The following S100A11 variants were observed in gnomAD, a reference collection of about 807,000 sequenced individuals.
The protein encoded by S100A11 is protein S100-A11.
S100A11 carries 5 observed loss-of-function variants against 7.4 expected under a neutral mutation model. The observed-to-expected ratio is 0.68, with a 90% CI of 0.35 to 1.42. S100A11 has a LOEUF of 1.42. Ranked by LOEUF, S100A11 falls within the 40% of genes most tolerant of loss-of-function variation. The probability of loss-of-function intolerance (pLI) is 0.04; values close to 1 mark genes in which losing one functional copy is unlikely to be tolerated. For missense variants in S100A11, 96 were observed against 125.0 expected, an observed-to-expected ratio of 0.77 and a Z score of 1.11; for synonymous variants, 47 against 46.6, an observed-to-expected ratio of 1.01 and a Z score of -0.04.
intron 1 of S100A11, among the ~76,000 whole-genome samples, chr1:152,036,146 T>C (rs970145202): frequency 6.6e-6 from 1 of 152,174 alleles, no homozygotes; most frequent in Admixed American, 6.5e-5. Context: ...AAACCCGACT[T>C]GGCCCGCGGG....
rs774252337 is a variant in S100A11 at position 152,032,660 on chromosome 1, C to A, written c.*2G>T. On this transcript the variant is annotated 3_prime_UTR_variant, in exon 3 of 3. Transcript: ENST00000271638. ...GGTTTGAAGGCCAGGGCCAAGGGGT[C>A]CTCAGGTCCGCTTCTGGGAAGGGAC... 1 of 1,608,008 alleles carries A rather than the reference C, an allele frequency of 6.2e-7. No individual in the cohort carries two copies. The highest frequency in any genetic ancestry group is 8.5e-7 in the Non-Finnish European group (1 of 1,175,488).
rs945687399 is a variant in S100A11, at chr1:152,032,812, G to A, written c.168C>T (p.Asp56=). The change falls in exon 3 of 3, where the codon GAC becomes GAT. Residue 56 remains aspartate, a synonymous_variant. Transcript: ENST00000271638. ...ELAAFTKNQK[D]PGVLDRMMKK... ...TCATCATGCGGTCAAGGACACCAGG[G>A]TCCTTCTGGTTCTGCAGAGAAAATA... 1.2e-6 allele frequency: 2 copies of A among 1,609,734 alleles called. No homozygotes were observed. The highest frequency in any genetic ancestry group is 2.7e-5 in the African/African-American group (2 of 74,750).
intron 1 of S100A11, among the ~76,000 whole-genome samples, chr1:152,035,378 T>A (rs537379727): frequency 6.6e-6 from 1 of 152,348 alleles, no homozygotes; most frequent in South Asian, 2.1e-4. Flanking sequence ...CCCCTTTTCC[T>A]TCCAGAATGC....
chr1:152,036,111 A>T (rs1383605025), intron 1 of S100A11, among the ~76,000 whole-genome samples: 1 of 152,178 alleles, frequency 6.6e-6, no homozygotes, highest in Non-Finnish European at 1.5e-5. Flanking sequence ...TGTAAACTTT[A>T]TTCTTAGCTT....
rs369723825 is a variant in S100A11 at position 152,036,892 on chromosome 1, A to C, written c.3+21T>G. 6 of 1,603,812 alleles carry C rather than the reference A, an allele frequency of 3.7e-6. No homozygotes were observed. In the Middle Eastern group the frequency reaches 4.9e-4, roughly 132 times the overall value. On this transcript the variant is annotated intron_variant, in intron 1 of 2. Transcript: ENST00000271638. ...CTTTTTCTTTTCATGTAAGAAGAAGAAGAAGAAAAGTGAGGCTTACCATGT... is the reference window on the plus strand; with the variant it reads ...CTTTTTCTTTTCATGTAAGAAGAAGCAGAAGAAAAGTGAGGCTTACCATGT...
At chr1:152,032,967 A>G in intron 2 of S100A11, 144 bp from the exon 3 acceptor site, 1 of 713,618 alleles carries the variant, frequency 1.4e-6, no homozygotes, top group Non-Finnish European at 2.3e-6. Flanking sequence ...GAAACAGACT[A>G]AAAGAGGTGA....
chr1:152,033,996 G>C lies in S100A11; in HGVS notation c.4-196C>G, dbSNP rs543065690. The stretch of plus-strand genomic sequence containing the variant: ...CCTTCCGTCCTACCCCTCGCCACAT[G>C]TTTATTCCAGGTGAAATATATGGAA... On this transcript the variant is annotated intron_variant, in intron 1 of 2. Coordinates refer to ENST00000271638, the MANE Select transcript of S100A11 (RefSeq NM_005620.2). This position sits in a 1 kb window ranked among gnomAD's most constrained non-coding sequence, Gnocchi z 4.0. Among the ~76,000 whole-genome samples the C allele has an allele frequency of 6.6e-6, 1 of 152,306 alleles. No individual in the cohort carries two copies. Among genetic ancestry groups the C allele is most frequent in the Admixed American group, 6.5e-5 (1 of 15,308 alleles).
At chr1:152,036,441 T>C (rs1228439020) in intron 1 of S100A11, among the ~76,000 whole-genome samples, 1 of 152,134 alleles carries the variant, frequency 6.6e-6, no homozygotes, top group East Asian at 1.9e-4. Flanking sequence ...TACTGAAACT[T>C]TGATTTTCCC....
intron 1 of S100A11, among the ~76,000 whole-genome samples, chr1:152,036,506 T>C (rs918196424): frequency 1.5e-4 from 23 of 152,204 alleles, no homozygotes; most frequent in Non-Finnish European, 2.9e-4. Context: ...CAGAAATAAC[T>C]AGTGACCCCT....
chr1:152,033,597 T>C lies in S100A11; in HGVS notation c.156+51A>G. 6.4e-7 allele frequency: 1 copy of C among 1,573,296 alleles called. No homozygotes were observed. Among genetic ancestry groups the C allele is most frequent in the Non-Finnish European group, 8.7e-7 (1 of 1,145,724 alleles). On this transcript the variant is annotated intron_variant, in intron 2 of 2. Transcript: ENST00000271638. The surrounding 1 kb of genome is among the most constrained non-coding windows in gnomAD (Gnocchi z 4.0). The stretch of plus-strand genomic sequence containing the variant: ...ATTCCTGGCCATTCTGCCAGGGTCT[T>C]GTTTCATGTTGTGGGTAGTTTGGGG...
In S100A11 at chr1:152,032,688, C is replaced by G. The variant is rs761321087; in HGVS notation, c.292G>C (p.Ala98Pro). ...AMACHDSFLK[A>P]VPSQKRT ...CAGGTCCGCTTCTGGGAAGGGACAG[C>G]CTTGAGGAAGGAGTCATGGCAAGCC... The change falls in exon 3 of 3, where the codon GCT (alanine) becomes CCT (proline). Residue 98 changes from alanine (A) to proline (P), a missense_variant. Coordinates refer to ENST00000271638, the MANE Select transcript of S100A11 (RefSeq NM_005620.2). 3.1e-6 allele frequency: 5 copies of G among 1,613,306 alleles called. No individual in the cohort carries two copies. In the Admixed American group the frequency reaches 5.0e-5, roughly 16 times the overall value.
intron 1 of S100A11, among the ~76,000 whole-genome samples, chr1:152,036,023 C>T (rs1557787471): frequency 6.6e-6 from 1 of 152,212 alleles, no homozygotes; most frequent in Non-Finnish European, 1.5e-5. Context: ...TTTATGGACG[C>T]TGAAGTTTGA....
rs767295186 is a variant in S100A11 at position 152,033,836 on chromosome 1, G to A, written c.4-36C>T. 10 of 1,601,226 alleles carry A rather than the reference G, an allele frequency of 6.2e-6. No homozygotes were observed. The African/African-American group carries it at 1.3e-4, about 21-fold the overall frequency. ...AAAAAATTGCAGGGCTCAGACAAGG[G>A]AAGATGTCAAGGCTGGATACTGGAG... On this transcript the variant is annotated intron_variant, in intron 1 of 2. Transcript: ENST00000271638. The surrounding 1 kb of genome is among the most constrained non-coding windows in gnomAD (Gnocchi z 4.0).
At position 152,032,658 on chromosome 1, in the gene S100A11, G is replaced by A. The variant is rs1255744680; in HGVS notation, c.*4C>T. On this transcript the variant is annotated 3_prime_UTR_variant, in exon 3 of 3. Transcript: ENST00000271638. ...TGGGTTTGAAGGCCAGGGCCAAGGG[G>A]TCCTCAGGTCCGCTTCTGGGAAGGG... The A allele has an allele frequency of 8.1e-6, 13 of 1,606,798 alleles. No homozygotes were observed. The highest frequency in any genetic ancestry group is 2.7e-5 in the African/African-American group (2 of 74,820).
Position 152,034,957 on chromosome 1 carries a change from A to G in S100A11, c.4-1157T>C, listed in dbSNP as rs1461071424. On this transcript the variant is annotated intron_variant, in intron 1 of 2. Coordinates refer to ENST00000271638, the MANE Select transcript of S100A11 (RefSeq NM_005620.2). ...AGAACTGATCTGAGCCCTTAGCTAC[A>G]CAGCTGCAGATTGATTCCTCCTTCC... Among the ~76,000 whole-genome samples, 10 of 152,334 alleles carry G rather than the reference A, an allele frequency of 6.6e-5. 1 individual carries two copies. Among genetic ancestry groups the G allele is most frequent in the African/African-American group, 4.8e-5 (2 of 41,576 alleles).
intron 1 of S100A11, among the ~76,000 whole-genome samples, chr1:152,035,933 G>A (rs1319194443): frequency 6.6e-6 from 1 of 152,240 alleles, no homozygotes; most frequent in African/African-American, 2.4e-5. Context: ...ACCCTCCGGA[G>A]CTTTCTGTCC....
Position 152,033,825 on chromosome 1 carries a change from C to T in S100A11, c.4-25G>A. The T allele has an allele frequency of 6.2e-7, 1 of 1,610,672 alleles. No individual in the cohort carries two copies. Among genetic ancestry groups the T allele is most frequent in the Non-Finnish European group, 8.5e-7 (1 of 1,176,938 alleles). On this transcript the variant is annotated intron_variant, in intron 1 of 2. Coordinates refer to ENST00000271638, the MANE Select transcript of S100A11 (RefSeq NM_005620.2). The surrounding 1 kb of genome is among the most constrained non-coding windows in gnomAD (Gnocchi z 4.0). The stretch of plus-strand genomic sequence containing the variant: ...CCTTTGGAGAAAAAAAATTGCAGGG[C>T]TCAGACAAGGGAAGATGTCAAGGCT...
intron 1 of S100A11, among the ~76,000 whole-genome samples, chr1:152,035,784 A>G (rs1225719483): frequency 1.3e-5 from 2 of 152,262 alleles, no homozygotes; most frequent in African/African-American, 4.8e-5. Context: ...AGGAGCAAAC[A>G]TTATGATAAA....
At chr1:152,036,620 C>CCCT (rs1553189229) in intron 1 of S100A11, among the ~76,000 whole-genome samples, 1 of 152,070 alleles carries the variant, frequency 6.6e-6, no homozygotes, top group African/African-American at 2.4e-5. Flanking sequence ...ACGGGTCCCC[C>CCCT]CCCCGCGCGG....
Sources: gnomAD v4.1 joint callset for allele counts (sites outside exome capture counted in the v4.1 genomes callset) on GRCh38, gnomAD v4.1.1 for gene constraint, Gnocchi (gnomAD v3.1) non-coding constraint, MANE v1.5 for transcripts, NCBI Gene and HGNC (gene_info 2026-07-23, HGNC 2026-07-21) for gene names.